The following DNAI4 variants were observed in gnomAD, a reference collection of about 807,000 sequenced individuals.
DNAI4 encodes WD repeat domain 78.
Under a neutral mutation model 105.8 loss-of-function variants are expected in DNAI4, and 85 were observed. The observed-to-expected ratio is 0.80, with a 90% confidence interval of 0.67 to 0.96. The LOEUF is 0.96. DNAI4 is among the 40% of genes least tolerant of loss of function. The probability of loss-of-function intolerance (pLI) is 0.00; values close to 1 mark genes in which losing one functional copy is unlikely to be tolerated. For missense variants in DNAI4, 1,014 were observed against 1,005.6 expected, an observed-to-expected ratio of 1.01 and a Z score of -0.11; for synonymous variants, 352 against 331.5, an observed-to-expected ratio of 1.06 and a Z score of -0.67.
Position 66,891,143 on chromosome 1 carries a change from A to G in DNAI4, c.643+11T>C. 1 of 1,565,870 alleles carries G rather than the reference A, an allele frequency of 6.4e-7. No homozygotes were observed. Among genetic ancestry groups the G allele is most frequent in the Admixed American group, 1.7e-5 (1 of 59,968 alleles). On this transcript the variant is annotated intron_variant, in intron 4 of 16. Transcript: ENST00000371026. ...GACTGTTACTGAAATAAACAAGTAT[A>G]TTTTCATTACCTGTGAAACTAGTCA...
chr1:66,833,991 C>T lies in DNAI4; in HGVS notation c.1891G>A (p.Asp631Asn), dbSNP rs867540571. The change falls in exon 12 of 17, where the codon GAT becomes AAT. Residue 631 changes from aspartate (D) to asparagine (N), a missense_variant and splice_region_variant. Coordinates refer to ENST00000371026, the MANE Select transcript of DNAI4 (RefSeq NM_024763.5). ...WVIRKGLDCY[D>N]LMRLKRTTAA... ...AAATATAACTTGATTTTTCTTTTAC[C>T]ATAACAGTCTAGTCCTTTTCGTATA... is the stretch of plus-strand genomic sequence containing the variant. 1 of 1,581,930 alleles carries T rather than the reference C, an allele frequency of 6.3e-7. No individual in the cohort carries two copies. Among genetic ancestry groups the T allele is most frequent in the Non-Finnish European group, 8.5e-7 (1 of 1,170,934 alleles).
At chr1:66,827,981 A>G in intron 13 of DNAI4, 71 bp from the exon 14 acceptor site, 1 of 959,022 alleles carries the variant, frequency 1.0e-6, no homozygotes, top group South Asian at 1.7e-5. Flanking sequence ...AAGATTAGAT[A>G]TTTCTGGATC....
In DNAI4 at chr1:66,827,017, T is replaced by C. The variant is rs769477516; in HGVS notation, c.2142A>G (p.Pro714=). ...KGPVYKVTWN[P]FCHDVFLSCS... is the part of the protein sequence containing the mutation. Reference sequence around the variant, plus strand: ...AGCTTAAAAATACATCATGACAAAATGGATTCCATGTCACTTTATACACTG... The same window carrying C: ...AGCTTAAAAATACATCATGACAAAACGGATTCCATGTCACTTTATACACTG... The change falls in exon 15 of 17, where the codon CCA becomes CCG. Residue 714 remains proline (P), a synonymous_variant. Transcript: ENST00000371026. 1.9e-6 allele frequency: 3 copies of C among 1,613,964 alleles called. No homozygotes were observed. In the South Asian group the frequency reaches 3.3e-5, roughly 18 times the overall value.
rs548192665 is a variant in DNAI4, at chr1:66,883,529, C to T, written c.643+7625G>A. Among the ~76,000 whole-genome samples the T allele has an allele frequency of 1.1e-4, 17 of 152,232 alleles. No homozygotes were observed. In the East Asian group the frequency reaches 1.4e-3, roughly 12 times the overall value. On this transcript the variant is annotated intron_variant, in intron 4 of 16. Coordinates refer to ENST00000371026, the MANE Select transcript of DNAI4 (RefSeq NM_024763.5). The stretch of plus-strand genomic sequence containing the variant: ...CTGACTTCAGGTGATCCGCCCATCT[C>T]GGCCTCCCAAAGTGCTGGGATTACA...
At chr1:66,852,666 T>G (rs1646421083) in intron 7 of DNAI4, among the ~76,000 whole-genome samples, 1 of 151,856 alleles carries the variant, frequency 6.6e-6, no homozygotes, top group South Asian at 2.1e-4. Context: ...AATCAACCAT[T>G]TATTAAAAAA....
At chr1:66,827,940 C>T (rs1256246197) in intron 13 of DNAI4, 30 bp from the exon 14 acceptor site, 1 of 1,361,902 alleles carries the variant, frequency 7.3e-7, no homozygotes, top group Non-Finnish European at 1.0e-6. Context: ...AATGCATTGG[C>T]TTGTGATACA....
chr1:66,893,742 C>G (rs916870318), intron 2 of DNAI4, among the ~76,000 whole-genome samples: 2 of 152,078 alleles, frequency 1.3e-5, no homozygotes, highest in Admixed American at 1.3e-4. Flanking sequence ...TTAAAGAAAA[C>G]TCACTATTTT....
chr1:66,853,953 T>C (rs1396803032), intron 7 of DNAI4, among the ~76,000 whole-genome samples: 7 of 152,196 alleles, frequency 4.6e-5, no homozygotes, highest in Admixed American at 4.6e-4. Flanking sequence ...GTTGACATGA[T>C]TGTGTATGTT....
At chr1:66,836,190 A>C (rs543244688) in intron 10 of DNAI4, among the ~76,000 whole-genome samples, 1 of 68,524 alleles carries the variant, frequency 1.5e-5, no homozygotes, top group Non-Finnish European at 3.4e-5. Flanking sequence ...GAAAGAAAGA[A>C]AGAAAGAAAG....
At chr1:66,893,071 A>AAG (rs1553227643) in intron 3 of DNAI4, among the ~76,000 whole-genome samples, 158 bp downstream of exon 3, 1 of 122,378 alleles carries the variant, frequency 8.2e-6, no homozygotes, top group African/African-American at 3.3e-5. Flanking sequence ...GAGAGAAAGA[A>AAG]AGAAAGAAAG....
intron 7 of DNAI4, among the ~76,000 whole-genome samples, chr1:66,856,519 T>G (rs2100575620): frequency 6.6e-6 from 1 of 152,022 alleles, no homozygotes; most frequent in East Asian, 1.9e-4. Flanking sequence ...AAATAGTTAA[T>G]CGATTATCAA....
intron 12 of DNAI4, 109 bp downstream of exon 12, chr1:66,833,882 A>AT (rs369147935): frequency 7.1e-7 from 1 of 1,416,686 alleles, no homozygotes; most frequent in Non-Finnish European, 9.4e-7. Flanking sequence ...GACCAACCCA[A>AT]TTTTTTTCTT....
chr1:66,846,815 G>A (rs1646285977), intron 8 of DNAI4, among the ~76,000 whole-genome samples: 1 of 152,120 alleles, frequency 6.6e-6, no homozygotes, highest in Admixed American at 6.5e-5. Context: ...AGTTTCTATA[G>A]CCTTCAGTTT....
chr1:66,906,986 G>T (rs554181562), intron 1 of DNAI4: 4 of 152,006 alleles, frequency 2.6e-5, no homozygotes, highest in Non-Finnish European at 5.9e-5. Flanking sequence ...ATAATTCCAG[G>T]TCTCCTATCT....
chr1:66,870,125 C>T (rs1327463057), intron 6 of DNAI4, among the ~76,000 whole-genome samples: 1 of 152,120 alleles, frequency 6.6e-6, no homozygotes, highest in Non-Finnish European at 1.5e-5. Context: ...TATAGTTTTG[C>T]TGCATAATAA....
chr1:66,908,541 T>C (rs905775565), intron 1 of DNAI4, among the ~76,000 whole-genome samples: 3 of 152,248 alleles, frequency 2.0e-5, no homozygotes, highest in Admixed American at 2.0e-4. Flanking sequence ...GGTAGTCCCC[T>C]GTGGTGTGGT....
chr1:66,869,098 A>AAAT (rs1646789053), intron 6 of DNAI4, among the ~76,000 whole-genome samples: 1 of 149,498 alleles, frequency 6.7e-6, no homozygotes, highest in African/African-American at 2.5e-5. Flanking sequence ...ATAAATAAAT[A>AAAT]AATAAATCCT....
chr1:66,883,185 T>C (rs187560964), intron 4 of DNAI4, among the ~76,000 whole-genome samples: 51 of 148,744 alleles, frequency 3.4e-4, no homozygotes, highest in East Asian at 2.7e-3. Context: ...CTTTTCTTTT[T>C]TTTTTTTTTT....
chr1:66,844,369 T>C (rs917762652), intron 8 of DNAI4, among the ~76,000 whole-genome samples: 1 of 152,008 alleles, frequency 6.6e-6, no homozygotes, highest in African/African-American at 2.4e-5. Flanking sequence ...AAGACTAGCC[T>C]GGCCAACAAT....
Sources: allele counts gnomAD v4.1 joint callset (sites outside exome capture counted in the v4.1 genomes callset), GRCh38; gene constraint gnomAD v4.1.1; transcripts MANE v1.5; gene names NCBI Gene and HGNC (gene_info 2026-07-23, HGNC 2026-07-21).